The following PPP1R12A variants were observed in gnomAD, a reference collection of about 807,000 sequenced individuals.
PPP1R12A encodes protein phosphatase 1 regulatory subunit 12A, also known as myosin binding subunit.
Under a neutral mutation model 139.6 loss-of-function variants are expected in PPP1R12A, and 19 were observed. The observed-to-expected ratio is 0.14, with a 90% CI of 0.09 to 0.20. PPP1R12A has a LOEUF of 0.20. Among genes scored for constraint, PPP1R12A ranks in the 10% least tolerant of loss-of-function variants. PPP1R12A has a pLI of 1.00. For missense variants in PPP1R12A, 925 were observed against 1,211.5 expected, an observed-to-expected ratio of 0.76 and a Z score of 3.51; for synonymous variants, 427 against 420.6, an observed-to-expected ratio of 1.02 and a Z score of -0.19.
intron 5 of PPP1R12A, among the ~76,000 whole-genome samples, chr12:79,824,299 ATG>A (rs1876500296): frequency 6.6e-6 from 1 of 152,184 alleles, no homozygotes; most frequent in Non-Finnish European, 1.5e-5. Context: ...AGATTATGTT[ATG>A]TGGAAATAAT....
chr12:79,817,257 A>G (rs886415060), intron 9 of PPP1R12A, 137 bp downstream of exon 9: 16 of 808,044 alleles, frequency 2.0e-5, no homozygotes, highest in African/African-American at 3.5e-5. Flanking sequence ...ACTGAGAAAC[A>G]TAAATACATA....
At chr12:79,799,659 C>A (rs983607778) in intron 14 of PPP1R12A, among the ~76,000 whole-genome samples, 1 of 152,106 alleles carries the variant, frequency 6.6e-6, no homozygotes, top group African/African-American at 2.4e-5. Flanking sequence ...AAATTTAAGC[C>A]TATGTTTCCT....
intron 2 of PPP1R12A, among the ~76,000 whole-genome samples, chr12:79,871,919 G>T (rs557080489): frequency 1.3e-5 from 2 of 152,240 alleles, no homozygotes; most frequent in East Asian, 1.9e-4. Context: ...ACAAATTATG[G>T]AAAGATGTCG....
At chr12:79,912,989 G>A (rs549341207) in intron 1 of PPP1R12A, among the ~76,000 whole-genome samples, 12 of 152,244 alleles carry the variant, frequency 7.9e-5, no homozygotes, top group South Asian at 2.1e-4. Context: ...GAGAATTCTC[G>A]TTTCTCCACA....
intron 24 of PPP1R12A, 64 bp from the exon 25 acceptor site, chr12:79,776,079 TAATA>T (rs886236036): frequency 1.9e-5 from 19 of 990,328 alleles, no homozygotes; most frequent in Admixed American, 2.6e-5. Context: ...ACATTATTCT[TAATA>T]AATGTTATAT....
intron 2 of PPP1R12A, among the ~76,000 whole-genome samples, chr12:79,851,590 T>C (rs531087171): frequency 6.6e-6 from 1 of 152,356 alleles, no homozygotes; most frequent in South Asian, 2.1e-4. Flanking sequence ...AAAGTCTGCA[T>C]ATGCCATGTC....
intron 1 of PPP1R12A, among the ~76,000 whole-genome samples, chr12:79,909,451 C>A (rs1047673022): frequency 1.3e-5 from 2 of 152,024 alleles, no homozygotes; most frequent in African/African-American, 2.4e-5. Context: ...AAGTTCTGCA[C>A]CCCGGCTGGG....
chr12:79,834,551 C>T (rs1359477284), intron 3 of PPP1R12A, among the ~76,000 whole-genome samples: 1 of 152,102 alleles, frequency 6.6e-6, no homozygotes, highest in Non-Finnish European at 1.5e-5. Context: ...AGAGAATTTG[C>T]TGTTAGTTTG....
At chr12:79,782,586 C>T in intron 22 of PPP1R12A, 1 of 455,058 alleles carries the variant, frequency 2.2e-6, no homozygotes, top group East Asian at 7.0e-5. Context: ...GTATCCTGTA[C>T]TGGAGAGCTC....
At position 79,921,443 on chromosome 12, in the gene PPP1R12A, G is replaced by GT. The variant is rs1887430445; in HGVS notation, c.237+13251dup. Among the ~76,000 whole-genome samples, 7 of 152,312 alleles carry GT rather than the reference G, an allele frequency of 4.6e-5. No homozygotes were observed. In the South Asian group the frequency reaches 1.4e-3, roughly 32 times the overall value. ...ACAGGTACATTCAGAAGACAAACCA[G>GT]TAGTGAATAGGGTCATAAAAGGCTC... On this transcript the variant is annotated intron_variant, in intron 1 of 24. Transcript: ENST00000450142.
At chr12:79,919,653 C>T (rs1412323630) in intron 1 of PPP1R12A, among the ~76,000 whole-genome samples, 1 of 151,800 alleles carries the variant, frequency 6.6e-6, no homozygotes, top group African/African-American at 2.4e-5. Flanking sequence ...TTACACATAA[C>T]TGATGTAAAT....
intron 1 of PPP1R12A, among the ~76,000 whole-genome samples, chr12:79,901,311 T>C (rs1347752082): frequency 2.6e-5 from 4 of 152,180 alleles, no homozygotes; most frequent in East Asian, 3.9e-4. Flanking sequence ...CTTTGATTAC[T>C]GAAGGGCAGC....
chr12:79,899,233 AATATATATATAT>A (rs58319454), intron 1 of PPP1R12A, among the ~76,000 whole-genome samples: 457 of 141,840 alleles, frequency 3.2e-3, no homozygotes, highest in East Asian at 5.1e-3. Flanking sequence ...AGATCTTAAA[AATATATATATAT>A]ATATATATAT....
At chr12:79,934,107 T>C (rs944038842) in intron 1 of PPP1R12A, among the ~76,000 whole-genome samples, 17 of 152,116 alleles carry the variant, frequency 1.1e-4, no homozygotes, top group Non-Finnish European at 4.4e-5. Context: ...ACACCCTGTT[T>C]TCCCCTCCCC....
At chr12:79,871,254 A>G (rs910341065) in intron 2 of PPP1R12A, among the ~76,000 whole-genome samples, 1 of 152,308 alleles carries the variant, frequency 6.6e-6, no homozygotes, top group Admixed American at 6.5e-5. Flanking sequence ...GTATTCTATC[A>G]CTTGCAGCTA....
intron 2 of PPP1R12A, among the ~76,000 whole-genome samples, chr12:79,854,753 C>T (rs956329537): frequency 2.0e-5 from 3 of 151,950 alleles, no homozygotes; most frequent in Non-Finnish European, 2.9e-5. Context: ...TTTACTGCAG[C>T]CTCAAACTCC....
At chr12:79,850,548 GAAGA>G (rs1879919824) in intron 2 of PPP1R12A, among the ~76,000 whole-genome samples, 1 of 152,182 alleles carries the variant, frequency 6.6e-6, no homozygotes, top group Non-Finnish European at 1.5e-5. Flanking sequence ...AGAACTTAGT[GAAGA>G]GAGACAAAGA....
At chr12:79,890,905 CCACACA>C (rs1303227049) in intron 1 of PPP1R12A, among the ~76,000 whole-genome samples, 16 of 115,718 alleles carry the variant, frequency 1.4e-4, no homozygotes, top group Admixed American at 2.7e-4. Flanking sequence ...CCACACCCAC[CCACACA>C]CACACACACA....
chr12:79,864,963 T>C (rs1224338369), intron 2 of PPP1R12A, among the ~76,000 whole-genome samples: 1 of 152,182 alleles, frequency 6.6e-6, no homozygotes, highest in Non-Finnish European at 1.5e-5. Context: ...CCCTAACTCA[T>C]TTTATGAGGC....
Sources: allele counts gnomAD v4.1 joint callset (sites outside exome capture counted in the v4.1 genomes callset), GRCh38; gene constraint gnomAD v4.1.1; transcripts MANE v1.5; gene names NCBI Gene and HGNC (gene_info 2026-07-23, HGNC 2026-07-21).